The following NRXN1 variants were observed in gnomAD, a reference collection of about 807,000 sequenced individuals.
NRXN1 encodes neurexin-1.
NRXN1 carries 39 observed loss-of-function variants against 150.9 expected under a neutral mutation model. That is an observed-to-expected ratio of 0.26 (90% CI 0.20 to 0.34). The LOEUF is 0.34. Among genes scored for constraint, NRXN1 ranks in the 10% least tolerant of loss-of-function variants. NRXN1 has a pLI of 1.00. For missense variants in NRXN1, 1,815 were observed against 1,949.9 expected, an observed-to-expected ratio of 0.93 and a Z score of 1.30; for synonymous variants, 924 against 757.0, an observed-to-expected ratio of 1.22 and a Z score of -3.62.
intron 8 of NRXN1, among the ~76,000 whole-genome samples, chr2:50,568,091 C>G (rs1573582054): frequency 6.6e-6 from 1 of 152,094 alleles, no homozygotes; most frequent in Admixed American, 6.5e-5. Flanking sequence ...TGTTCCTAAC[C>G]ATATTATAGA....
chr2:50,664,179 T>TTA (rs1404006729), intron 5 of NRXN1, among the ~76,000 whole-genome samples: 2 of 151,894 alleles, frequency 1.3e-5, no homozygotes, highest in Non-Finnish European at 2.9e-5. Context: ...ATATTAAAAT[T>TTA]TATTGCAGAA....
intron 18 of NRXN1, among the ~76,000 whole-genome samples, chr2:50,155,587 A>G (rs2058969726): frequency 6.6e-6 from 1 of 151,626 alleles, no homozygotes; most frequent in Non-Finnish European, 1.5e-5. Context: ...AAAAAACAAT[A>G]CAAGTTTAAA....
At chr2:50,111,606 T>G (rs969297990) in intron 18 of NRXN1, among the ~76,000 whole-genome samples, 1 of 151,340 alleles carries the variant, frequency 6.6e-6, no homozygotes, top group Non-Finnish European at 1.5e-5. Context: ...CCCACTGAAT[T>G]CCAGCCTGGG....
intron 5 of NRXN1, among the ~76,000 whole-genome samples, chr2:50,865,580 A>ATGTGTGTGTG (rs112867077): frequency 0.041 from 5,301 of 130,696 alleles, 124 homozygotes; most frequent in Middle Eastern, 0.087. Context: ...AAATATATAA[A>ATGTGTGTGTG]TGTGTGTGTG....
At chr2:50,490,723 A>G (rs2111070) in intron 15 of NRXN1, among the ~76,000 whole-genome samples, 135,093 of 151,858 alleles carry the variant, frequency 0.89, 60,379 homozygotes, top group African/African-American at 0.95. Context: ...CACTGCTGTC[A>G]CGGTGGGGCA....
At chr2:50,908,139 C>A (rs541120946) in intron 5 of NRXN1, among the ~76,000 whole-genome samples, 2 of 152,034 alleles carry the variant, frequency 1.3e-5, no homozygotes, top group African/African-American at 2.4e-5. Flanking sequence ...TTGCATAGGA[C>A]CCTTAGTAGA....
intron 5 of NRXN1, among the ~76,000 whole-genome samples, chr2:50,789,280 G>A (rs935849855): frequency 6.6e-6 from 1 of 152,118 alleles, no homozygotes; most frequent in African/African-American, 2.4e-5. Flanking sequence ...CAACATGCCT[G>A]CAATGCTCAA....
intron 19 of NRXN1, among the ~76,000 whole-genome samples, chr2:50,065,346 A>G (rs980460226): frequency 6.6e-6 from 1 of 152,130 alleles, no homozygotes; most frequent in Non-Finnish European, 1.5e-5. Flanking sequence ...CTGACTCGAA[A>G]GTTGTTCCAT....
intron 2 of NRXN1, among the ~76,000 whole-genome samples, chr2:51,011,157 G>C (rs1451150847): frequency 6.6e-6 from 1 of 151,922 alleles, no homozygotes; most frequent in East Asian, 1.9e-4. Flanking sequence ...TATTATTGAG[G>C]TCAAGCTTCT....
chr2:51,007,568 AT>A (rs1667214697), intron 2 of NRXN1, among the ~76,000 whole-genome samples: 1 of 151,870 alleles, frequency 6.6e-6, no homozygotes, highest in African/African-American at 2.4e-5. Flanking sequence ...TTTATATATT[AT>A]TTTTCTATTT....
intron 8 of NRXN1, among the ~76,000 whole-genome samples, chr2:50,556,065 T>G (rs752474461): frequency 6.6e-6 from 1 of 152,168 alleles, no homozygotes; most frequent in African/African-American, 2.4e-5. Flanking sequence ...TATTTTTTTC[T>G]TCCCATTTTG....
intron 17 of NRXN1, among the ~76,000 whole-genome samples, chr2:50,244,028 A>G (rs1449611936): frequency 6.6e-6 from 1 of 151,868 alleles, no homozygotes; most frequent in African/African-American, 2.4e-5. Context: ...ACCTCTACCT[A>G]TTGGCCCAAA....
chr2:50,847,558 C>T (rs1376989000), intron 5 of NRXN1, among the ~76,000 whole-genome samples: 1 of 152,162 alleles, frequency 6.6e-6, no homozygotes, highest in African/African-American at 2.4e-5. Context: ...CAGGCATTTC[C>T]TGCCCAAATG....
chr2:50,517,888 T>C (rs1027182954), intron 12 of NRXN1, among the ~76,000 whole-genome samples: 6 of 152,138 alleles, frequency 3.9e-5, no homozygotes, highest in Non-Finnish European at 7.4e-5. Flanking sequence ...AGCAAACTTA[T>C]TCTATTATCT....
At chr2:50,064,589 T>A (rs34780215) in intron 19 of NRXN1, among the ~76,000 whole-genome samples, 166 of 152,310 alleles carry the variant, frequency 1.1e-3, no homozygotes, top group Non-Finnish European at 1.9e-3. Flanking sequence ...TCCAAGACTA[T>A]ATTTTCTAGA....
At chr2:49,984,347 C>T (rs985997798) in intron 21 of NRXN1, among the ~76,000 whole-genome samples, 3 of 152,092 alleles carry the variant, frequency 2.0e-5, no homozygotes, top group Admixed American at 6.6e-5. Context: ...AATCACTACA[C>T]CCAACTGAAT....
At chr2:50,176,255 A>C (rs948791573) in intron 18 of NRXN1, among the ~76,000 whole-genome samples, 1 of 152,156 alleles carries the variant, frequency 6.6e-6, no homozygotes, top group South Asian at 2.1e-4. Flanking sequence ...TTTTAGCTCA[A>C]TTTCTTTTGG....
chr2:50,760,295 A>G (rs1489447857), intron 5 of NRXN1, among the ~76,000 whole-genome samples: 1 of 151,848 alleles, frequency 6.6e-6, no homozygotes, highest in Non-Finnish European at 1.5e-5. Flanking sequence ...AAATTCAGAG[A>G]AGGGGCCTTG....
intron 2 of NRXN1, among the ~76,000 whole-genome samples, chr2:50,960,239 C>T (rs1692933584): frequency 6.6e-6 from 1 of 151,862 alleles, no homozygotes; most frequent in African/African-American, 2.4e-5. Flanking sequence ...ATTAATTTTC[C>T]ATATCAGATG....
Sources: gnomAD v4.1 joint callset for allele counts (sites outside exome capture counted in the v4.1 genomes callset) on GRCh38, gnomAD v4.1.1 for gene constraint, MANE v1.5 for transcripts, NCBI Gene and HGNC (gene_info 2026-07-23, HGNC 2026-07-21) for gene names.